Variants in MSR1 observed in about 807,000 individuals in gnomAD.
MSR1 encodes macrophage scavenger receptor types I and II.
In MSR1, 53 loss-of-function variants were observed where a neutral mutation model predicts 47.2. The observed-to-expected ratio is 1.12, with a 90% CI of 0.90 to 1.41. The LOEUF is 1.41. MSR1 is among the 40% of genes most tolerant of loss of function. The pLI is 0.00. For synonymous variants in MSR1, 239 were observed against 185.6 expected (o/e 1.29, Z -2.34); for missense variants, 786 against 546.9 (o/e 1.44, Z -4.36).
chr8:16,191,039 A>G (rs1209270310), intron 1 of MSR1, among the ~76,000 whole-genome samples: 4 of 152,266 alleles, frequency 2.6e-5, no homozygotes, highest in East Asian at 3.9e-4. Flanking sequence ...TCTTAAGGCC[A>G]ACTTTATCTT....
chr8:16,142,490 C>T (rs1331962242), intron 8 of MSR1, among the ~76,000 whole-genome samples: 2 of 151,964 alleles, frequency 1.3e-5, no homozygotes, highest in South Asian at 2.1e-4. Context: ...TAAAGTACTC[C>T]GAAGACACAC....
chr8:16,180,742 C>T (rs1351131091), intron 1 of MSR1, among the ~76,000 whole-genome samples: 1 of 152,086 alleles, frequency 6.6e-6, no homozygotes, highest in Non-Finnish European at 1.5e-5. Context: ...GGATATGACT[C>T]AACTCCTGTC....
chr8:16,184,945 C>G (rs1349123771), intron 1 of MSR1, among the ~76,000 whole-genome samples: 1 of 150,938 alleles, frequency 6.6e-6, no homozygotes, highest in African/African-American at 2.5e-5. Flanking sequence ...TTTAGACTAA[C>G]TGACACTATT....
chr8:16,168,413 T>C, intron 4 of MSR1, 45 bp downstream of exon 4: 1 of 1,606,164 alleles, frequency 6.2e-7, no homozygotes, highest in Non-Finnish European at 8.5e-7. Flanking sequence ...GAGACTTGGA[T>C]GGATTCAGTT....
chr8:16,178,121 T>C (rs1277296546), intron 1 of MSR1, 129 bp from the exon 2 acceptor site: 4 of 682,310 alleles, frequency 5.9e-6, no homozygotes, highest in African/African-American at 5.5e-5. Flanking sequence ...TTTTTAATTA[T>C]ACTTTAAGCT....
chr8:16,175,381 T>C (rs1169909232), intron 2 of MSR1, 81 bp from the exon 3 acceptor site: 1 of 1,104,216 alleles, frequency 9.1e-7, no homozygotes, highest in South Asian at 1.3e-5. Context: ...TCTCCAATTA[T>C]ATTCTTACTA....
chr8:16,130,951 T>C (rs912885789), intron 8 of MSR1, among the ~76,000 whole-genome samples: 2 of 152,088 alleles, frequency 1.3e-5, no homozygotes, highest in Admixed American at 6.6e-5. Context: ...TATGAGAGTA[T>C]GTGTTTTTAT....
intron 1 of MSR1, chr8:16,186,174 A>G: frequency 6.5e-7 from 1 of 1,535,220 alleles, no homozygotes; most frequent in Non-Finnish European, 8.7e-7. Flanking sequence ...TTTGTTGAGA[A>G]GAGAGATACT....
intron 6 of MSR1, among the ~76,000 whole-genome samples, chr8:16,153,063 G>C (rs1800904261): frequency 1.3e-5 from 2 of 151,918 alleles, no homozygotes; most frequent in Non-Finnish European, 2.9e-5. Flanking sequence ...TAATGTATTA[G>C]TTATTTGAGG....
chr8:16,176,555 A>C (rs930775251), intron 2 of MSR1, among the ~76,000 whole-genome samples: 3 of 152,080 alleles, frequency 2.0e-5, no homozygotes, highest in African/African-American at 7.2e-5. Context: ...AGGAAAGAAA[A>C]GATGGAAGGA....
intron 3 of MSR1, among the ~76,000 whole-genome samples, chr8:16,173,558 A>G (rs1389004409): frequency 6.6e-6 from 1 of 152,176 alleles, no homozygotes; most frequent in Non-Finnish European, 1.5e-5. Flanking sequence ...GTTGGTTGTT[A>G]TGGTTGGATT....
At chr8:16,118,725 A>C (rs1172798747) in intron 9 of MSR1, among the ~76,000 whole-genome samples, 1 of 152,144 alleles carries the variant, frequency 6.6e-6, no homozygotes, top group African/African-American at 2.4e-5. Context: ...CCAATGTGGA[A>C]ACTCAGATTG....
chr8:16,114,372 G>C (rs907314229), intron 9 of MSR1, among the ~76,000 whole-genome samples: 1 of 151,958 alleles, frequency 6.6e-6, no homozygotes, highest in African/African-American at 2.4e-5. Context: ...TTTCAGGTTT[G>C]GAGTTTCAGC....
chr8:16,184,486 A>T (rs917092325), intron 1 of MSR1, among the ~76,000 whole-genome samples: 1 of 152,094 alleles, frequency 6.6e-6, no homozygotes, highest in Non-Finnish European at 1.5e-5. Flanking sequence ...TTTTTCTCTA[A>T]ACAGGTACAA....
At chr8:16,180,782 T>C (rs1050276231) in intron 1 of MSR1, among the ~76,000 whole-genome samples, 1 of 152,240 alleles carries the variant, frequency 6.6e-6, no homozygotes, top group Middle Eastern at 3.4e-3. Flanking sequence ...ACTAAGAAGA[T>C]TCTTTATTTG....
intron 5 of MSR1, among the ~76,000 whole-genome samples, chr8:16,157,336 T>C (rs145293389): frequency 0.016 from 2,467 of 152,024 alleles, 30 homozygotes; most frequent in Middle Eastern, 0.031. Context: ...TTTTGGAGTA[T>C]TAGTTCAATC....
intron 5 of MSR1, among the ~76,000 whole-genome samples, chr8:16,161,341 T>C (rs1440125245): frequency 2.0e-5 from 3 of 152,008 alleles, no homozygotes; most frequent in East Asian, 3.9e-4. Flanking sequence ...GGGAGGCAGA[T>C]GCGGGTGGCT....
intron 3 of MSR1, among the ~76,000 whole-genome samples, chr8:16,171,602 A>G (rs1801489989): frequency 6.6e-6 from 1 of 152,186 alleles, no homozygotes; most frequent in South Asian, 2.1e-4. Context: ...TAATTCTTAT[A>G]TACTATGTGG....
chr8:16,182,451 AAAC>A (rs1162309935), intron 1 of MSR1, among the ~76,000 whole-genome samples: 4 of 152,196 alleles, frequency 2.6e-5, no homozygotes, highest in East Asian at 3.8e-4. Flanking sequence ...AAACCTTTTT[AAAC>A]AACATTTTTA....
Sources: gnomAD v4.1 joint callset for allele counts (sites outside exome capture counted in the v4.1 genomes callset) on GRCh38, gnomAD v4.1.1 for gene constraint, MANE v1.5 for transcripts, NCBI Gene and HGNC (gene_info 2026-07-23, HGNC 2026-07-21) for gene names.